The following ZNF33A variants were observed in gnomAD, a reference collection of about 807,000 sequenced individuals.
The protein encoded by ZNF33A is brain my041 protein.
Under a neutral mutation model 15.9 loss-of-function variants are expected in ZNF33A, and 9 were observed. That is an observed-to-expected ratio of 0.57 (90% CI 0.34 to 0.99). The LOEUF (loss-of-function observed/expected upper bound fraction) is 0.99, where lower values mean the gene tolerates loss of function less well. Ranked by LOEUF, ZNF33A falls within the 50% of genes least tolerant of loss-of-function variation. ZNF33A has a pLI of 0.02. For synonymous variants in ZNF33A, 294 were observed against 324.2 expected (o/e 0.91, Z 1.00); for missense variants, 843 against 941.6 (o/e 0.90, Z 1.37).
intron 4 of ZNF33A, among the ~76,000 whole-genome samples, chr10:38,025,617 G>A (rs1454551754): frequency 6.6e-6 from 1 of 152,252 alleles, no homozygotes; most frequent in African/African-American, 2.4e-5. Context: ...CCAGCATTTG[G>A]AACCGTGAGG....
chr10:38,055,078 C>G lies in ZNF33A; in HGVS notation c.954C>G (p.His318Gln), dbSNP rs758094484. 5.6e-6 allele frequency: 9 copies of G among 1,613,944 alleles called. No homozygotes were observed. Among genetic ancestry groups the G allele is most frequent in the South Asian group, 2.2e-5 (2 of 91,076 alleles). Residue 318 changes from histidine to glutamine, a missense_variant, in exon 5 of 5, where the codon CAC (histidine) becomes CAG (glutamine). Transcript: ENST00000432900. ...NNFRRKLCLS[H>Q]LQKGDKGEKH... ...TCAGGAGGAAATTGTGTCTGTCACA[C>G]CTTCAGAAAGGTGATAAAGGAGAGA... is the stretch of plus-strand genomic sequence containing the variant.
chr10:38,019,079 C>T (rs1384235631), intron 4 of ZNF33A, among the ~76,000 whole-genome samples: 1 of 151,680 alleles, frequency 6.6e-6, no homozygotes, highest in Non-Finnish European at 1.5e-5. Flanking sequence ...TGGTGTGCTG[C>T]ACCAATTAAC....
At chr10:38,049,806 A>G (rs2066116616) in intron 4 of ZNF33A, among the ~76,000 whole-genome samples, 1 of 152,208 alleles carries the variant, frequency 6.6e-6, no homozygotes, top group Non-Finnish European at 1.5e-5. Context: ...AAAATCAGTG[A>G]AACCAAAAGC....
Position 38,011,325 on chromosome 10 carries a change from C to G in ZNF33A, c.-45+542C>G, listed in dbSNP as rs377035844. Among the ~76,000 whole-genome samples the G allele has an allele frequency of 1.6e-4, 25 of 152,322 alleles. No homozygotes were observed. In the East Asian group the frequency reaches 4.6e-3, roughly 28 times the overall value. The stretch of plus-strand genomic sequence containing the variant: ...TTTGGCCTGGCGCGGTGGCTCTCGC[C>G]TGTAATCCCAGCACTTTGGGAGGCC... On this transcript the variant is annotated intron_variant, in intron 1 of 4. Coordinates refer to ENST00000432900, the MANE Select transcript of ZNF33A (RefSeq NM_006954.2).
intron 4 of ZNF33A, among the ~76,000 whole-genome samples, chr10:38,036,423 G>A (rs1382716019): frequency 6.6e-6 from 1 of 151,830 alleles, no homozygotes; most frequent in Non-Finnish European, 1.5e-5. Flanking sequence ...GGGTGATAGA[G>A]CAAGATTCTG....
rs1021295558 is a variant in ZNF33A, at chr10:38,011,870, G to A, written c.-44-428G>A. ...GCTTTCTGTGGAGTCACTCACCAGAGGTTAAGTAACATTACTGGGAAAATA... is the reference window on the plus strand; with the variant it reads ...GCTTTCTGTGGAGTCACTCACCAGAAGTTAAGTAACATTACTGGGAAAATA... On this transcript the variant is annotated intron_variant, in intron 1 of 4. Transcript: ENST00000432900. 2.0e-3 allele frequency among the ~76,000 whole-genome samples: 301 copies of A among 152,266 alleles called. 1 individual carries two copies. The highest frequency in any genetic ancestry group is 2.4e-3 in the Non-Finnish European group (163 of 68,000).
intron 4 of ZNF33A, among the ~76,000 whole-genome samples, chr10:38,044,952 G>T (rs559571656): frequency 6.6e-6 from 1 of 152,336 alleles, no homozygotes; most frequent in Non-Finnish European, 1.5e-5. Context: ...ACAGGCGTGA[G>T]CCACCGTGTC....
chr10:38,050,928 G>A (rs561974221), intron 4 of ZNF33A, among the ~76,000 whole-genome samples: 1 of 152,234 alleles, frequency 6.6e-6, no homozygotes, highest in South Asian at 2.1e-4. Flanking sequence ...AGATTCTCTG[G>A]TCTTAAGAAC....
chr10:38,034,686 A>G (rs1244964724), intron 4 of ZNF33A, among the ~76,000 whole-genome samples: 1 of 152,212 alleles, frequency 6.6e-6, no homozygotes, highest in Non-Finnish European at 1.5e-5. Context: ...GTGGAGATAT[A>G]TGAATTTTGT....
chr10:38,054,475 A>G lies in ZNF33A; in HGVS notation c.351A>G (p.Glu117=). 1 of 1,611,436 alleles carries G rather than the reference A, an allele frequency of 6.2e-7. No individual in the cohort carries two copies. Among genetic ancestry groups the G allele is most frequent in the Non-Finnish European group, 8.5e-7 (1 of 1,179,280 alleles). ...TCAATAATGAAATGCTGACTAAGGA[A>G]CAAGGTGATGTAATAGGAATACCAT... ...VFINNEMLTK[E]QGDVIGIPFN... is the part of the protein sequence containing the mutation. Residue 117 remains glutamate, a synonymous_variant, in exon 5 of 5, where the codon GAA becomes GAG. Transcript: ENST00000432900.
chr10:38,024,092 C>T (rs888517357), intron 4 of ZNF33A, among the ~76,000 whole-genome samples: 5 of 140,642 alleles, frequency 3.6e-5, no homozygotes, highest in East Asian at 2.1e-4. Flanking sequence ...GTGGAGGTTA[C>T]GGTGAGCCGA....
At chr10:38,060,130 A>G, downstream of ZNF33A, 1 of 952,558 alleles carries the variant, frequency 1.0e-6, no homozygotes, top group Non-Finnish European at 1.3e-6. Flanking sequence ...CATGTAAATC[A>G]TCATTAGTGA....
At chr10:38,064,672 C>T (rs999809174), downstream of ZNF33A, 3 of 152,474 alleles carry the variant, frequency 2.0e-5, no homozygotes, top group East Asian at 3.9e-4. Context: ...TCTTCCTTCA[C>T]CTCTTCCCCA....
Position 38,028,824 on chromosome 10 carries a change from C to G in ZNF33A, c.250+11438C>G, listed in dbSNP as rs146879786. Among the ~76,000 whole-genome samples the G allele has an allele frequency of 3.5e-3, 529 of 152,172 alleles. 4 individuals carry two copies. Among genetic ancestry groups the G allele is most frequent in the African/African-American group, 0.012 (502 of 41,512 alleles). ...TTCTTTATTCCCTTCTCATTTCCTT[C>G]TGTGTATATTTTTTAGATATTGCCT... On this transcript the variant is annotated intron_variant, in intron 4 of 4. Coordinates refer to ENST00000432900, the MANE Select transcript of ZNF33A (RefSeq NM_006954.2).
intron 4 of ZNF33A, among the ~76,000 whole-genome samples, chr10:38,021,702 A>G (rs879217901): frequency 2.6e-5 from 4 of 152,208 alleles, no homozygotes; most frequent in Admixed American, 1.3e-4. Context: ...TCAAGTGTCC[A>G]TGGAATATTC....
Position 38,056,339 on chromosome 10 carries a change from C to A in ZNF33A, c.2215C>A (p.His739Asn). 6.2e-7 allele frequency: 1 copy of A among 1,614,128 alleles called. No homozygotes were observed. Among genetic ancestry groups the A allele is most frequent in the Non-Finnish European group, 8.5e-7 (1 of 1,179,988 alleles). The change falls in exon 5 of 5, where the codon CAT (histidine) becomes AAT (asparagine). Residue 739 changes from histidine (H) to asparagine (N), a missense_variant. His to Asn is a moderately conservative substitution (Grantham distance 68). Coordinates refer to ENST00000432900, the MANE Select transcript of ZNF33A (RefSeq NM_006954.2). ...TTACCGTAAATCGGAACTTGCTCAACATCAGAGATCACATACAGGGGAAAA... is the reference window on the plus strand; with the variant it reads ...TTACCGTAAATCGGAACTTGCTCAAAATCAGAGATCACATACAGGGGAAAA... ...IFYRKSELAQ[H>N]QRSHTGEKPY...
chr10:38,031,855 C>T (rs957283945), intron 4 of ZNF33A, among the ~76,000 whole-genome samples: 3 of 151,104 alleles, frequency 2.0e-5, no homozygotes, highest in African/African-American at 4.9e-5. Flanking sequence ...CCCAGCTACT[C>T]GGGAGGCTGA....
intron 4 of ZNF33A, among the ~76,000 whole-genome samples, chr10:38,035,423 T>A (rs1272656176): frequency 6.6e-6 from 1 of 152,034 alleles, no homozygotes. Flanking sequence ...TGGCTTTCCA[T>A]TTACTTTCAT....
chr10:38,045,941 C>G (rs1411119995), intron 4 of ZNF33A, among the ~76,000 whole-genome samples: 1 of 152,148 alleles, frequency 6.6e-6, no homozygotes, highest in African/African-American at 2.4e-5. Context: ...TTGCTTTTCT[C>G]TGGGTGAGTG....
Sources: gnomAD v4.1 joint callset for allele counts (sites outside exome capture counted in the v4.1 genomes callset) on GRCh38, gnomAD v4.1.1 for gene constraint, MANE v1.5 for transcripts, NCBI Gene and HGNC (gene_info 2026-07-23, HGNC 2026-07-21) for gene names.